Variants in CC2D2A observed in about 807,000 individuals in gnomAD.
CC2D2A encodes coiled-coil and C2 domain-containing protein 2A.
A neutral mutation model predicts 212.9 loss-of-function variants in CC2D2A; 155 were observed. The observed-to-expected ratio is 0.73, with a 90% CI of 0.64 to 0.83. The LOEUF is 0.83. Ranked by LOEUF, CC2D2A falls within the 40% of genes least tolerant of loss-of-function variation. The pLI is 0.00. For missense variants in CC2D2A, 1,856 were observed against 1,956.2 expected (o/e 0.95, Z 0.97); for synonymous variants, 667 against 686.5 (o/e 0.97, Z 0.44).
intron 11 of CC2D2A, among the ~76,000 whole-genome samples, chr4:15,520,838 G>C (rs1717160403): frequency 6.6e-6 from 1 of 152,092 alleles, no homozygotes; most frequent in Non-Finnish European, 1.5e-5. Context: ...GGACAGCTAG[G>C]GGCCACTGCT....
intron 33 of CC2D2A, among the ~76,000 whole-genome samples, chr4:15,593,988 T>G (rs1290402057): frequency 6.6e-6 from 1 of 152,172 alleles, no homozygotes; most frequent in Non-Finnish European, 1.5e-5. Context: ...TAAATCTTCA[T>G]AATGGCCTAC....
chr4:15,498,795 A>G (rs966332599), intron 4 of CC2D2A, among the ~76,000 whole-genome samples: 2 of 152,228 alleles, frequency 1.3e-5, no homozygotes, highest in Non-Finnish European at 2.9e-5. Context: ...CTTCATCATT[A>G]TCTGGTTTCA....
chr4:15,480,956 C>A, intron 4 of CC2D2A, 129 bp downstream of exon 4: 1 of 1,132,790 alleles, frequency 8.8e-7, no homozygotes, highest in Non-Finnish European at 1.2e-6. Context: ...CCCACTTTAC[C>A]CCAACTTGGT....
At chr4:15,493,297 C>A (rs888898622) in intron 4 of CC2D2A, among the ~76,000 whole-genome samples, 2 of 151,900 alleles carry the variant, frequency 1.3e-5, no homozygotes, top group Admixed American at 1.3e-4. Context: ...GAGACAAGGT[C>A]TGGCTCTGTT....
intron 34 of CC2D2A, 53 bp downstream of exon 34, chr4:15,596,260 T>C: frequency 7.0e-7 from 1 of 1,423,632 alleles, no homozygotes; most frequent in Non-Finnish European, 9.2e-7. Flanking sequence ...GATAGGAAAT[T>C]ATACTGGGTT....
At chr4:15,531,654 C>T (rs1385343285) in intron 13 of CC2D2A, among the ~76,000 whole-genome samples, 17 of 152,086 alleles carry the variant, frequency 1.1e-4, no homozygotes, top group Admixed American at 1.1e-3. Context: ...CTCTTCCTCC[C>T]CAGCTCTGGT....
chr4:15,594,490 A>G (rs1023173062), intron 33 of CC2D2A, among the ~76,000 whole-genome samples: 2 of 152,080 alleles, frequency 1.3e-5, no homozygotes, highest in African/African-American at 4.8e-5. Flanking sequence ...CTGTGGGTCA[A>G]CTGGGAGAGC....
At chr4:15,470,294 T>C (rs1320647511) in intron 1 of CC2D2A, among the ~76,000 whole-genome samples, 2 of 152,192 alleles carry the variant, frequency 1.3e-5, no homozygotes, top group African/African-American at 4.8e-5. Flanking sequence ...GTAAGTCCAG[T>C]TCATCACAAG....
At chr4:15,570,571 T>C in intron 28 of CC2D2A, 75 bp downstream of exon 28, 1 of 1,059,176 alleles carries the variant, frequency 9.4e-7, no homozygotes, top group Non-Finnish European at 1.4e-6. Flanking sequence ...ACGTTCTTTG[T>C]GGGCCAGGCG....
At chr4:15,504,367 T>C (rs1716138846) in intron 6 of CC2D2A, among the ~76,000 whole-genome samples, 1 of 152,166 alleles carries the variant, frequency 6.6e-6, no homozygotes, top group Non-Finnish European at 1.5e-5. Flanking sequence ...ACAAAAGCCA[T>C]AATTTAAAAA....
At position 15,537,955 on chromosome 4, in the gene CC2D2A, T is replaced by C. The variant is rs373296447; in HGVS notation, c.1821T>C (p.Ile607=). The part of the protein sequence containing the change: ...QAAEEHPGDE[I]AEPYPEEDLV... ...CAGAAGAACATCCCGGTGATGAGAT[T>C]GCAGAGCCGTATCCCGAGGAGGACC... The change falls in exon 16 of 37, where the codon ATT becomes ATC. Residue 607 remains isoleucine (I), a synonymous_variant. Transcript: ENST00000424120. 674 of 1,610,150 alleles carry C rather than the reference T, an allele frequency of 4.2e-4. No individual in the cohort carries two copies. The highest frequency in any genetic ancestry group is 5.3e-4 in the Non-Finnish European group (628 of 1,178,280).
rs1435144536 is a variant in CC2D2A, at chr4:15,502,461, G to A, written c.280G>A (p.Gly94Ser). 6.2e-7 allele frequency: 1 copy of A among 1,608,406 alleles called. No homozygotes were observed. Among genetic ancestry groups the A allele is most frequent in the Admixed American group, 1.7e-5 (1 of 59,274 alleles). ...TCCAATTCCTTCAACTTCCAGAACA[G>A]GCTTTGCAGAATTTTCCATGAGGGG... ...LPPIPSTSRT[G>S]FAEFSMRGRM... is the part of the protein sequence containing the mutation. Residue 94 changes from glycine to serine, a missense_variant, in exon 5 of 37, where the codon GGC (glycine) becomes AGC (serine). Gly to Ser is a moderately conservative substitution (Grantham distance 56). Transcript: ENST00000424120.
At chr4:15,522,930 C>A (rs1717293695) in intron 11 of CC2D2A, among the ~76,000 whole-genome samples, 1 of 151,598 alleles carries the variant, frequency 6.6e-6, no homozygotes, top group Non-Finnish European at 1.5e-5. Context: ...ACCAGCCTGG[C>A]CAACATGGTG....
intron 22 of CC2D2A, among the ~76,000 whole-genome samples, chr4:15,560,174 G>C (rs1719503581): frequency 6.6e-6 from 1 of 152,140 alleles, no homozygotes; most frequent in Admixed American, 6.5e-5. Context: ...CTGGATAAGG[G>C]AATAACTTAA....
chr4:15,545,742 G>A (rs79513898), intron 17 of CC2D2A, among the ~76,000 whole-genome samples: 28 of 152,244 alleles, frequency 1.8e-4, no homozygotes, highest in Middle Eastern at 3.4e-3. Flanking sequence ...ATTAATTAAA[G>A]TAAGATTGGA....
intron 6 of CC2D2A, among the ~76,000 whole-genome samples, chr4:15,509,913 T>C (rs1057193330): frequency 2.6e-5 from 4 of 152,196 alleles, no homozygotes; most frequent in African/African-American, 9.7e-5. Flanking sequence ...AAAAATACCG[T>C]ATTTATAGTC....
In CC2D2A at chr4:15,570,543, T is replaced by C. The variant is rs771981876; in HGVS notation, c.3594+47T>C. The stretch of plus-strand genomic sequence containing the variant: ...TCCATGAGAGCAGGGAATTTCTCTA[T>C]CCATTTTTCCTATTAAAACGTTCTT... On this transcript the variant is annotated intron_variant, in intron 28 of 36. Transcript: ENST00000424120. The C allele has an allele frequency of 4.5e-6, 6 of 1,335,564 alleles. No homozygotes were observed. In the East Asian group the frequency reaches 1.5e-4, roughly 33 times the overall value. 82.7% of individuals were successfully genotyped at this position (1,335,564 alleles called of 1,614,324 possible).
At chr4:15,478,634 G>A in intron 2 of CC2D2A, 89 bp from the exon 3 acceptor site, 1 of 920,886 alleles carries the variant, frequency 1.1e-6, no homozygotes, top group Non-Finnish European at 1.7e-6. Context: ...TAGAAGCCCA[G>A]GGTCAAGATG....
intron 17 of CC2D2A, among the ~76,000 whole-genome samples, chr4:15,548,173 A>T (rs747027082): frequency 6.6e-5 from 10 of 151,972 alleles, no homozygotes; most frequent in Non-Finnish European, 1.5e-4. Context: ...CTCATTAAAA[A>T]AATCTGATAA....
Sources: gnomAD v4.1 joint callset for allele counts (sites outside exome capture counted in the v4.1 genomes callset) on GRCh38, gnomAD v4.1.1 for gene constraint, MANE v1.5 for transcripts, NCBI Gene and HGNC (gene_info 2026-07-23, HGNC 2026-07-21) for gene names.